The following MED22 variants were observed in gnomAD, a reference collection of about 807,000 sequenced individuals.
MED22 encodes mediator of RNA polymerase II transcription subunit 22.
In MED22, 22 loss-of-function variants were observed where a neutral mutation model predicts 22.7. The observed-to-expected ratio is 0.97, with a 90% CI of 0.69 to 1.38. MED22 has a LOEUF of 1.38. Among genes scored for constraint, MED22 ranks in the 40% most tolerant of loss-of-function variants. The pLI, the probability that MED22 is intolerant of heterozygous loss-of-function variation, is 0.00. For missense variants in MED22, 247 were observed against 263.0 expected, an observed-to-expected ratio of 0.94 and a Z score of 0.42; for synonymous variants, 134 against 119.4, an observed-to-expected ratio of 1.12 and a Z score of -0.80.
intron 2 of MED22, 70 bp from the exon 3 acceptor site, chr9:133,345,322 C>T: frequency 1.4e-6 from 2 of 1,463,492 alleles, no homozygotes. Context: ...CGGCCCAGCC[C>T]AGCTTACGGT....
chr9:133,339,062 GT>G lies in MED22; in HGVS notation c.*2442del. 2 of 700,466 alleles carry G rather than the reference GT, an allele frequency of 2.9e-6. No homozygotes were observed. Among genetic ancestry groups the G allele is most frequent in the Non-Finnish European group, 2.6e-6 (1 of 380,854 alleles). The allele number at this position is 700,466 out of a possible 1,614,324, so 43.4% of individuals were successfully genotyped here. ...TAGGCCTTTCAGAAAACATGCAGTT[GT>G]TCCTTTGGCCAAGTATATGCAAATT... is the stretch of plus-strand genomic sequence containing the variant. On this transcript the variant is annotated 3_prime_UTR_variant, in exon 5 of 5. Transcript: ENST00000343730.
At position 133,339,024 on chromosome 9, in the gene MED22, AAT is replaced by A; in HGVS notation, c.*2479_*2480del. 1.2e-6 allele frequency: 1 copy of A among 831,784 alleles called. No individual in the cohort carries two copies. The allele number at this position is 831,784 out of a possible 1,614,324, so 51.5% of individuals were successfully genotyped here. On this transcript the variant is annotated 3_prime_UTR_variant, in exon 5 of 5. Transcript: ENST00000343730. ...ACAAAGGGAAAGAGGAGAGGCACCC[AAT>A]ATATGTTCTCTAGGCCTTTCAGAAA...
intron 4 of MED22, chr9:133,343,416 T>G: frequency 1.6e-6 from 2 of 1,225,156 alleles, no homozygotes; most frequent in South Asian, 8.3e-5. Flanking sequence ...TCAGGGCCCC[T>G]CCAGCTCAAA....
In MED22 at chr9:133,346,577, A is replaced by C; in HGVS notation, c.86T>G (p.Ile29Ser). ...GATGATCTCGGTGAAGTTGTCCATG[A>C]TGGACTTAATGTCGTCCTTCAGCCG... The part of the protein sequence containing the change: ...NKRLKDDIKS[I>S]MDNFTEIIKT... Residue 29 changes from isoleucine to serine, a missense_variant, in exon 2 of 5, where the codon ATC becomes AGC. Transcript: ENST00000343730. 1 of 1,612,342 alleles carries C rather than the reference A, an allele frequency of 6.2e-7. No individual in the cohort carries two copies. Among genetic ancestry groups the C allele is most frequent in the Non-Finnish European group, 8.5e-7 (1 of 1,179,830 alleles).
chr9:133,342,788 G>A, intron 4 of MED22: 1 of 985,756 alleles, frequency 1.0e-6, no homozygotes, highest in Non-Finnish European at 1.2e-6. Flanking sequence ...GTTGGGGGAG[G>A]GCATGGGAAG....
At chr9:133,341,727 A>T in intron 4 of MED22, 33 bp from the exon 5 acceptor site, 1 of 1,588,934 alleles carries the variant, frequency 6.3e-7, no homozygotes, top group South Asian at 1.1e-5. Context: ...AGGGAGAGAC[A>T]GGAGCAGGCA....
rs2119057012 is a variant in MED22 at position 133,341,751 on chromosome 9, G to A, written c.414-57C>T. The A allele has an allele frequency of 2.5e-6, 4 of 1,577,386 alleles. No individual in the cohort carries two copies. In the South Asian group the frequency reaches 4.7e-5, roughly 18 times the overall value. On this transcript the variant is annotated intron_variant, in intron 4 of 4. Transcript: ENST00000343730. ...CAGGAGCAGGCAGAGAGGAAAGCCA[G>A]GGGAGGGGAGAGCAAGACAGAAGCA...
At chr9:133,346,395 G>T in intron 2 of MED22, 145 bp downstream of exon 2, 2 of 962,078 alleles carry the variant, frequency 2.1e-6, no homozygotes, top group Non-Finnish European at 3.1e-6. Flanking sequence ...GCCATTATTT[G>T]GTTTGCTTAT....
At position 133,344,273 on chromosome 9, in the gene MED22, T is replaced by C; in HGVS notation, c.265A>G (p.Asn89Asp). The stretch of plus-strand genomic sequence containing the variant: ...GCCTCGTTCACGGAGGGGAAGTCAT[T>C]GAGGATCAGGAACTGCTTGAGGTCG... ...VSDLKQFLILNDFPSVNEAID... is the reference protein window; with the variant it reads ...VSDLKQFLILDDFPSVNEAID... The change falls in exon 4 of 5, where the codon AAT (asparagine) becomes GAT (aspartate). Residue 89 changes from asparagine to aspartate, a missense_variant. By Grantham distance (23) the Asn-to-Asp change is conservative (BLOSUM62 1). Transcript: ENST00000343730. The C allele has an allele frequency of 1.2e-6, 2 of 1,614,182 alleles. No homozygotes were observed. Among genetic ancestry groups the C allele is most frequent in the Non-Finnish European group, 1.7e-6 (2 of 1,180,026 alleles).
In MED22 at chr9:133,339,177, G is replaced by A; in HGVS notation, c.*2328C>T. ...AAATGTCACCATGGCTAGACTGGGA[G>A]AGTCTACAGTGTTCCCCAGCATGCT... On this transcript the variant is annotated 3_prime_UTR_variant, in exon 5 of 5. Transcript: ENST00000343730. 2 of 691,418 alleles carry A rather than the reference G, an allele frequency of 2.9e-6. No individual in the cohort carries two copies. Among genetic ancestry groups the A allele is most frequent in the African/African-American group, 1.8e-5 (1 of 57,108 alleles). 42.8% of individuals were successfully genotyped at this position (691,418 alleles called of 1,614,324 possible).
In MED22 at chr9:133,345,264, C is replaced by G. The variant is rs1157201048; in HGVS notation, c.124-12G>C. On this transcript the variant is annotated splice_polypyrimidine_tract_variant and intron_variant, in intron 2 of 4. Transcript: ENST00000343730. Reference sequence around the variant, plus strand: ...GTCTCGTCCTCAATCTGGGGGAAAACAAGAAAACCTAGAAATCAACCCAGC... The same window carrying G: ...GTCTCGTCCTCAATCTGGGGGAAAAGAAGAAAACCTAGAAATCAACCCAGC... 6.2e-7 allele frequency: 1 copy of G among 1,613,546 alleles called. No homozygotes were observed. The highest frequency in any genetic ancestry group is 8.5e-7 in the Non-Finnish European group (1 of 1,179,920).
intron 3 of MED22, 27 bp downstream of exon 3, chr9:133,345,145 G>A (rs2119065841): frequency 1.2e-6 from 2 of 1,610,748 alleles, no homozygotes; most frequent in South Asian, 1.1e-5. Flanking sequence ...TGGAGCCCAG[G>A]CCGTGCCCTC....
At chr9:133,342,512 GA>G (rs1836036814) in intron 4 of MED22, 1 of 987,118 alleles carries the variant, frequency 1.0e-6, no homozygotes, top group Non-Finnish European at 1.2e-6. Context: ...AACAAGCAGA[GA>G]GGGGGCAGGC....
At chr9:133,347,849 G>GCACCCACCCACCCCCACTCCCGCC (rs1836238936) in intron 1 of MED22, 73 bp downstream of exon 1, 2 of 146,508 alleles carry the variant, frequency 1.4e-5, no homozygotes, top group Non-Finnish European at 3.0e-5. Flanking sequence ...CAGCGCCTAC[G>GCACCCACCCACCCCCACTCCCGCC]CACCCACCCA....
chr9:133,339,066 C>A lies in MED22; in HGVS notation c.*2439G>T, dbSNP rs1835952253. The A allele has an allele frequency of 1.4e-6, 1 of 696,144 alleles. No individual in the cohort carries two copies. The highest frequency in any genetic ancestry group is 2.7e-6 in the Non-Finnish European group (1 of 377,266). The allele number at this position is 696,144 out of a possible 1,614,324, so 43.1% of individuals were successfully genotyped here. Reference sequence around the variant, plus strand: ...CCTTTCAGAAAACATGCAGTTGTTCCTTTGGCCAAGTATATGCAAATTGAT... The same window carrying A: ...CCTTTCAGAAAACATGCAGTTGTTCATTTGGCCAAGTATATGCAAATTGAT... On this transcript the variant is annotated 3_prime_UTR_variant, in exon 5 of 5. Transcript: ENST00000343730.
chr9:133,346,743 C>G (rs1836195635), intron 1 of MED22, 43 bp from the exon 2 acceptor site: 23 of 1,537,876 alleles, frequency 1.5e-5, no homozygotes, highest in Non-Finnish European at 1.9e-5. Flanking sequence ...AGAGTCTACC[C>G]CAGCCACCCT....
At position 133,344,287 on chromosome 9, in the gene MED22, T is replaced by C. The variant is rs1836115606; in HGVS notation, c.251A>G (p.Gln84Arg). ...GGGGAAGTCATTGAGGATCAGGAAC[T>C]GCTTGAGGTCGGACACCAGCTTCAT... Reference protein sequence around the residue: ...SLMKLVSDLKQFLILNDFPSV... With the variant: ...SLMKLVSDLKRFLILNDFPSV... Residue 84 changes from glutamine (Q) to arginine (R), a missense_variant, in exon 4 of 5, where the codon CAG becomes CGG. Gln to Arg is a conservative substitution (Grantham distance 43). Transcript: ENST00000343730. 2 of 1,614,178 alleles carry C rather than the reference T, an allele frequency of 1.2e-6. No individual in the cohort carries two copies. Among genetic ancestry groups the C allele is most frequent in the Admixed American group, 1.7e-5 (1 of 60,024 alleles).
chr9:133,348,056 G>A lies in MED22; in HGVS notation c.-173C>T, dbSNP rs980943368. 7 of 782,586 alleles carry A rather than the reference G, an allele frequency of 8.9e-6. No homozygotes were observed. The highest frequency in any genetic ancestry group is 1.5e-5 in the Non-Finnish European group (7 of 470,066). The allele number at this position is 782,586 out of a possible 1,614,324, so 48.5% of individuals were successfully genotyped here. The stretch of plus-strand genomic sequence containing the variant: ...CCTCCCGCCGCAGTCTCTCTTCCCC[G>A]CCGCGCCGCGGTCCGAAAACCTAGT... On this transcript the variant is annotated 5_prime_UTR_variant, in exon 1 of 5. Coordinates refer to ENST00000343730, the MANE Select transcript of MED22 (RefSeq NM_133640.5).
chr9:133,346,467 C>T, intron 2 of MED22, 73 bp downstream of exon 2: 1 of 1,587,374 alleles, frequency 6.3e-7, no homozygotes, highest in East Asian at 2.2e-5. Flanking sequence ...ACTCGCGCTG[C>T]TCAGCCCCTG....
Sources: allele counts gnomAD v4.1 joint callset, GRCh38; gene constraint gnomAD v4.1.1; transcripts MANE v1.5; gene names NCBI Gene and HGNC (gene_info 2026-07-23, HGNC 2026-07-21).